NRF1: variants seen among roughly 807,000 people sequenced by gnomAD.
NRF1 encodes nuclear respiratory factor 1.
A neutral mutation model predicts 58.5 loss-of-function variants in NRF1; 5 were observed. That is an observed-to-expected ratio of 0.09 (90% CI 0.04 to 0.18). The LOEUF (loss-of-function observed/expected upper bound fraction) is 0.18. Among genes scored for constraint, NRF1 ranks in the 10% least tolerant of loss-of-function variants. The probability of loss-of-function intolerance (pLI) is 1.00; values close to 1 mark genes in which losing one functional copy is unlikely to be tolerated. For missense variants in NRF1, 288 were observed against 657.7 expected (o/e 0.44, Z 6.15); for synonymous variants, 224 against 246.7 (o/e 0.91, Z 0.86).
chr7:129,684,834 A>G (rs866641667), intron 4 of NRF1, among the ~76,000 whole-genome samples: 7 of 152,218 alleles, frequency 4.6e-5, no homozygotes, highest in Non-Finnish European at 7.4e-5. Context: ...GGTATGAGAT[A>G]AGGATTCCAT....
In NRF1 at chr7:129,755,365, T is replaced by C; in HGVS notation, c.*184T>C. On this transcript the variant is annotated 3_prime_UTR_variant, in exon 11 of 11. Transcript: ENST00000393232. The surrounding 1 kb of genome is among the most constrained non-coding windows in gnomAD (Gnocchi z 5.8). Reference sequence around the variant, plus strand: ...TTTTTTAAAGCACCACTCTTGATTTTCTGGGATTGGTGAAGAAACTGCATT... The same window carrying C: ...TTTTTTAAAGCACCACTCTTGATTTCCTGGGATTGGTGAAGAAACTGCATT... 2 of 595,670 alleles carry C rather than the reference T, an allele frequency of 3.4e-6. No homozygotes were observed. Among genetic ancestry groups the C allele is most frequent in the Non-Finnish European group, 2.7e-6 (1 of 365,248 alleles). 36.9% of individuals were successfully genotyped at this position (595,670 alleles called of 1,614,324 possible).
At chr7:129,678,729 C>T (rs1347414711) in intron 4 of NRF1, among the ~76,000 whole-genome samples, 1 of 152,110 alleles carries the variant, frequency 6.6e-6, no homozygotes, top group Non-Finnish European at 1.5e-5. Flanking sequence ...GGCATTTCTT[C>T]TCTTCTTTAG....
intron 10 of NRF1, among the ~76,000 whole-genome samples, chr7:129,735,643 C>T (rs1371217457): frequency 6.6e-6 from 1 of 152,200 alleles, no homozygotes; most frequent in Non-Finnish European, 1.5e-5. Context: ...GCGTGTCCCA[C>T]GTTCTGGGCT....
chr7:129,626,820 G>T (rs1183912986), intron 1 of NRF1, among the ~76,000 whole-genome samples: 1 of 152,238 alleles, frequency 6.6e-6, no homozygotes, highest in Non-Finnish European at 1.5e-5. Context: ...CCTTCAGGTT[G>T]ATGGACAGCT....
intron 2 of NRF1, among the ~76,000 whole-genome samples, chr7:129,663,604 G>T (rs1420021595): frequency 6.6e-6 from 1 of 151,096 alleles, no homozygotes; most frequent in Admixed American, 6.6e-5. Flanking sequence ...CTTCCTAGAC[G>T]GGGTGGCGGC....
intron 5 of NRF1, among the ~76,000 whole-genome samples, chr7:129,697,992 A>G (rs911647817): frequency 6.6e-5 from 10 of 152,272 alleles, no homozygotes; most frequent in Admixed American, 2.0e-4. Flanking sequence ...TTGGCCTTCC[A>G]AAGTTTTAGG....
chr7:129,623,380 G>GT (rs5887435), intron 1 of NRF1, among the ~76,000 whole-genome samples: 26 of 147,366 alleles, frequency 1.8e-4, no homozygotes, highest in African/African-American at 4.9e-4. Flanking sequence ...AAAAATACCT[G>GT]TTTTTTTTTT....
intron 3 of NRF1, among the ~76,000 whole-genome samples, chr7:129,674,186 C>T (rs771560521): frequency 6.6e-6 from 1 of 151,940 alleles, no homozygotes; most frequent in Non-Finnish European, 1.5e-5. Context: ...TTGTGAAATA[C>T]TGTAGGACTA....
chr7:129,721,521 A>G (rs912946238), intron 9 of NRF1, among the ~76,000 whole-genome samples: 1 of 145,400 alleles, frequency 6.9e-6, no homozygotes, highest in African/African-American at 2.6e-5. Context: ...TTGCTCTGTC[A>G]CCCAGGCTGG....
chr7:129,728,493 A>C (rs796654310), intron 10 of NRF1, among the ~76,000 whole-genome samples: 81 of 151,278 alleles, frequency 5.4e-4, no homozygotes, highest in African/African-American at 1.9e-3. Context: ...AAAAAAAAAA[A>C]ACCAATCCTG....
At chr7:129,623,274 G>T in intron 1 of NRF1, among the ~76,000 whole-genome samples, 1 of 152,224 alleles carries the variant, frequency 6.6e-6, no homozygotes, top group African/African-American at 2.4e-5. Context: ...TCTCAAGATA[G>T]CATTGGTCTT....
chr7:129,678,871 G>C (rs998503385), intron 4 of NRF1, among the ~76,000 whole-genome samples: 5 of 152,018 alleles, frequency 3.3e-5, no homozygotes, highest in Admixed American at 6.6e-5. Context: ...TTTAAGTTTT[G>C]GGAAACTGTT....
chr7:129,693,532 A>AT (rs1388479323), intron 5 of NRF1, among the ~76,000 whole-genome samples: 4 of 151,796 alleles, frequency 2.6e-5, no homozygotes, highest in South Asian at 2.1e-4. Context: ...ACATTATGAG[A>AT]TTTTTTGGCG....
chr7:129,635,372 T>C (rs1046080935), intron 1 of NRF1, among the ~76,000 whole-genome samples: 1 of 152,146 alleles, frequency 6.6e-6, no homozygotes, highest in Non-Finnish European at 1.5e-5. Context: ...GTTACAGTTT[T>C]TGTTTGTTTG....
chr7:129,637,252 G>GA (rs35335362), intron 1 of NRF1, among the ~76,000 whole-genome samples: 388 of 133,120 alleles, frequency 2.9e-3, no homozygotes, highest in Admixed American at 5.2e-3. Flanking sequence ...AGGCTCTGCT[G>GA]AAAAAAAAAA....
At chr7:129,664,137 AG>A (rs1801867307) in intron 2 of NRF1, among the ~76,000 whole-genome samples, 1 of 89,226 alleles carries the variant, frequency 1.1e-5, no homozygotes, top group East Asian at 3.1e-4. Flanking sequence ...GGAAAGGGGG[AG>A]GGGGAGGGGG....
chr7:129,678,499 T>C (rs977030468), intron 4 of NRF1, among the ~76,000 whole-genome samples: 5 of 152,190 alleles, frequency 3.3e-5, no homozygotes, highest in African/African-American at 7.2e-5. Flanking sequence ...GAAATTCTGT[T>C]TGTTGTATTT....
chr7:129,619,145 T>C (rs550993163), intron 1 of NRF1, among the ~76,000 whole-genome samples: 29 of 151,804 alleles, frequency 1.9e-4, no homozygotes, highest in African/African-American at 7.0e-4. Context: ...AATAGAAACC[T>C]ATGAAGTAAG....
chr7:129,734,731 T>C (rs1299959110), intron 10 of NRF1, among the ~76,000 whole-genome samples: 1 of 152,192 alleles, frequency 6.6e-6, no homozygotes, highest in African/African-American at 2.4e-5. Flanking sequence ...TACTTTGCAA[T>C]TAGTGAATGT....
Sources: gnomAD v4.1 joint callset for allele counts (sites outside exome capture counted in the v4.1 genomes callset) on GRCh38, gnomAD v4.1.1 for gene constraint, Gnocchi (gnomAD v3.1) non-coding constraint, MANE v1.5 for transcripts, NCBI Gene and HGNC (gene_info 2026-07-23, HGNC 2026-07-21) for gene names.